The following RUVBL1 variants were observed in gnomAD, a reference collection of about 807,000 sequenced individuals.
The protein encoded by RUVBL1 is ruvB-like 1.
A neutral mutation model predicts 52.4 loss-of-function variants in RUVBL1; 4 were observed. The observed-to-expected ratio is 0.08, with a 90% CI of 0.04 to 0.17. The LOEUF (loss-of-function observed/expected upper bound fraction) is 0.17, where lower values mean the gene tolerates loss of function less well. RUVBL1 is among the 10% of genes least tolerant of loss of function. The pLI, the probability that RUVBL1 is intolerant of heterozygous loss-of-function variation, is 1.00. For missense variants in RUVBL1, 298 were observed against 572.8 expected (o/e 0.52, Z 4.90); for synonymous variants, 217 against 214.4 (o/e 1.01, Z -0.10).
chr3:128,097,105 G>A (rs762480855), intron 8 of RUVBL1, among the ~76,000 whole-genome samples, 195 bp downstream of exon 8: 1 of 152,158 alleles, frequency 6.6e-6, no homozygotes, highest in Non-Finnish European at 1.5e-5. Context: ...CTCCTCATGA[G>A]TGACAGGACA....
rs1576494961 is a variant in RUVBL1, at chr3:128,150,594, ATATT to A, written c.-40+2605_-40+2608del. On this transcript the variant is annotated intron_variant, in intron 1 of 9. Transcript: ENST00000464873. The stretch of plus-strand genomic sequence containing the variant: ...CATATATATATTCCACAGAATATAT[ATATT>A]TGACAGAACTAATAGAATATATATT... 4.3e-5 allele frequency among the ~76,000 whole-genome samples: 6 copies of A among 138,976 alleles called. No individual in the cohort carries two copies. The South Asian group carries it at 8.9e-4, about 21-fold the overall frequency. 91.2% of individuals were successfully genotyped at this position (138,976 alleles called of 152,430 possible).
At chr3:128,120,886 CAGA>C (rs1330878828) in intron 1 of RUVBL1, among the ~76,000 whole-genome samples, 2 of 151,344 alleles carry the variant, frequency 1.3e-5, no homozygotes, top group East Asian at 2.0e-4. Context: ...GAGGCTGAGG[CAGA>C]AGAATGGCGT....
At chr3:128,065,149 A>G (rs1337999104) in exon 10 of RUVBL1, 2 of 1,183,438 alleles carry the variant, frequency 1.7e-6, no homozygotes, top group African/African-American at 1.5e-5. Context: ...TTGTGTTGAA[A>G]CGATGAGATG....
intron 8 of RUVBL1, among the ~76,000 whole-genome samples, chr3:128,089,909 C>CAAAAAAA (rs57182193): frequency 5.1e-5 from 3 of 59,354 alleles, no homozygotes; most frequent in Admixed American, 6.0e-4. Context: ...GACCCTATCT[C>CAAAAAAA]AAAAAAAAAA....
rs1003268053 is a variant in RUVBL1, at chr3:128,075,600, ACTTTCGTCGCGACTTCCCAAGTCGTGCT to A, written c.940-10408_940-10381del. On this transcript the variant is annotated intron_variant, in intron 9 of 9. Transcript: ENST00000464873. ...AACCTCGCTTGCTGGGAAGTCGCGC[ACTTTCGTCGCGACTTCCCAAGTCGTGCT>A]GGGTGTGACTTGGAATCTCGGATCC... 4.6e-5 allele frequency among the ~76,000 whole-genome samples: 7 copies of A among 151,720 alleles called. No individual in the cohort carries two copies. The South Asian group carries it at 8.4e-4, about 18-fold the overall frequency.
chr3:128,089,446 T>C (rs1942762590), intron 8 of RUVBL1, among the ~76,000 whole-genome samples: 1 of 152,262 alleles, frequency 6.6e-6, no homozygotes, highest in Non-Finnish European at 1.5e-5. Flanking sequence ...TCTATGGTTA[T>C]AAGTAATCAA....
In RUVBL1 at chr3:128,099,392, G is replaced by A. The variant is rs77319248; in HGVS notation, c.754-447C>T. ...CGCATCTGACCCTAACCGGACTCAG[G>A]ACTTCCTCCAAATGTTCCTGTGCCT... is the stretch of plus-strand genomic sequence containing the variant. On this transcript the variant is annotated intron_variant, in intron 6 of 10. Coordinates refer to ENST00000322623, the MANE Select transcript of RUVBL1 (RefSeq NM_003707.3). Among the ~76,000 whole-genome samples the A allele has an allele frequency of 4.4e-3, 665 of 152,328 alleles. 9 individuals carry two copies. The highest frequency in any genetic ancestry group is 0.025 in the East Asian group (132 of 5,188).
At position 128,082,974 on chromosome 3, in the gene RUVBL1, C is replaced by CG; in HGVS notation, c.1120-401_1120-400insC. 1.2e-5 allele frequency: 2 copies of CG among 165,734 alleles called. No homozygotes were observed. Among genetic ancestry groups the CG allele is most frequent in the South Asian group, 3.1e-4 (2 of 6,502 alleles). 10.3% of individuals were successfully genotyped at this position (165,734 alleles called of 1,614,324 possible). On this transcript the variant is annotated intron_variant, in intron 9 of 10. Transcript: ENST00000322623. This position sits in a 1 kb window ranked among gnomAD's most constrained non-coding sequence, Gnocchi z 4.7. ...CTCTAACCTTCCTCTCCAGCATGGG[C>CG]ACTACTGCCTACAAGCACTCAGGCA...
chr3:128,074,842 C>CAAAAAAAAAAA (rs386397876), intron 9 of RUVBL1, among the ~76,000 whole-genome samples: 39 of 72,792 alleles, frequency 5.4e-4, no homozygotes, highest in African/African-American at 1.5e-3. Context: ...AACTCCGTCT[C>CAAAAAAAAAAA]AAAAAAAAAA....
intron 3 of RUVBL1, among the ~76,000 whole-genome samples, chr3:128,107,113 T>C (rs1183683224): frequency 6.6e-6 from 1 of 152,222 alleles, no homozygotes; most frequent in Non-Finnish European, 1.5e-5. Context: ...AGACCACTGA[T>C]GGCCTAAGTT....
chr3:128,072,162 G>A (rs1942184651), intron 9 of RUVBL1, among the ~76,000 whole-genome samples: 1 of 152,190 alleles, frequency 6.6e-6, no homozygotes, highest in Admixed American at 6.5e-5. Context: ...TGGCAGGCTT[G>A]TGGCTGCTCC....
chr3:128,150,857 T>TTATATATTATATA, intron 1 of RUVBL1, among the ~76,000 whole-genome samples: 1 of 81,444 alleles, frequency 1.2e-5, no homozygotes, highest in Admixed American at 2.1e-4. Flanking sequence ...ATTCTATATA[T>TTATATATTATATA]TATATATTAT....
Position 128,081,149 on chromosome 3 carries a change from G to C in RUVBL1, c.*101C>G, listed in dbSNP as rs1471461626. The C allele has an allele frequency of 1.4e-5, 17 of 1,234,488 alleles. No individual in the cohort carries two copies. Among genetic ancestry groups the C allele is most frequent in the Non-Finnish European group, 1.7e-5 (15 of 871,158 alleles). 76.5% of individuals were successfully genotyped at this position (1,234,488 alleles called of 1,614,324 possible). A position where few individuals can be genotyped will look rare whatever the true frequency, so the allele number is the denominator to read the frequency against. On this transcript the variant is annotated 3_prime_UTR_variant, in exon 11 of 11. Transcript: ENST00000322623. The surrounding 1 kb of genome is among the most constrained non-coding windows in gnomAD (Gnocchi z 4.8). ...ACTGACAGCGCTGCAGACCACGCCT[G>C]AGTGGGGACGGCAGCCCCAAGCCCA...
Position 128,098,943 on chromosome 3 carries a change from C to T in RUVBL1, c.756G>A (p.Gly252=), listed in dbSNP as rs757054319. 3 of 1,613,208 alleles carry T rather than the reference C, an allele frequency of 1.9e-6. No individual in the cohort carries two copies. The South Asian group carries it at 3.3e-5, about 18-fold the overall frequency. Residue 252 remains glycine, a splice_region_variant and synonymous_variant, in exon 7 of 11, where the codon GGG becomes GGA. Transcript: ENST00000322623. ...CCATCATGGACAGGATATCTTGTCC[C>T]CCCTGCATAAGAGAAGACTTAGAGT... ...DLDVANARPQ[G]GQDILSMMGQ...
At chr3:128,115,290 G>A (rs1459056078) in intron 2 of RUVBL1, among the ~76,000 whole-genome samples, 1 of 152,168 alleles carries the variant, frequency 6.6e-6, no homozygotes, top group Non-Finnish European at 1.5e-5. Flanking sequence ...CCCCATGTGA[G>A]TGACAAGTGG....
chr3:128,114,126 A>G (rs1368623617), intron 2 of RUVBL1, among the ~76,000 whole-genome samples: 1 of 152,222 alleles, frequency 6.6e-6, no homozygotes, highest in Non-Finnish European at 1.5e-5. Flanking sequence ...CAAATGCTTT[A>G]AAGTTGGTAC....
intron 9 of RUVBL1, chr3:128,075,714 G>C (rs1030275144): frequency 1.3e-5 from 2 of 152,174 alleles, no homozygotes; most frequent in Admixed American, 6.5e-5. Context: ...GGCGGAGCCT[G>C]GGCCCGAAAC....
rs61633781 is a variant in RUVBL1, at chr3:128,103,535, C to T, written c.513+1238G>A. Reference sequence around the variant, plus strand: ...TCAGAGAATCAAAGAACCATAAAATCGTAGAACAGAATAAAAATGGAGAAA... The same window carrying T: ...TCAGAGAATCAAAGAACCATAAAATTGTAGAACAGAATAAAAATGGAGAAA... On this transcript the variant is annotated intron_variant, in intron 4 of 10. Transcript: ENST00000322623. 2.8e-3 allele frequency among the ~76,000 whole-genome samples: 426 copies of T among 152,244 alleles called. 2 individuals carry two copies. The highest frequency in any genetic ancestry group is 9.6e-3 in the African/African-American group (401 of 41,556).
chr3:128,101,844 A>G (rs1943115041), intron 4 of RUVBL1, among the ~76,000 whole-genome samples, 196 bp from the exon 5 acceptor site: 1 of 152,208 alleles, frequency 6.6e-6, no homozygotes, highest in African/African-American at 2.4e-5. Context: ...TGGGGGACTA[A>G]GCACACCAGG....
Sources: allele counts gnomAD v4.1 joint callset (sites outside exome capture counted in the v4.1 genomes callset), GRCh38; gene constraint gnomAD v4.1.1; non-coding constraint Gnocchi (gnomAD v3.1); transcripts MANE v1.5; gene names NCBI Gene and HGNC (gene_info 2026-07-23, HGNC 2026-07-21).